Variants in COL4A4 observed in about 807,000 individuals in gnomAD.
COL4A4 encodes collagen type IV alpha 4 chain.
COL4A4 carries 105 observed loss-of-function variants against 192.9 expected under a neutral mutation model. That is an observed-to-expected ratio of 0.54 (90% CI 0.46 to 0.64). COL4A4 has a LOEUF of 0.64. COL4A4 is among the 30% of genes least tolerant of loss of function. COL4A4 has a pLI of 0.00. For synonymous variants in COL4A4, 762 were observed against 769.9 expected (o/e 0.99, Z 0.17); for missense variants, 1,967 against 2,169.3 (o/e 0.91, Z 1.85).
At chr2:227,081,179 G>T (rs915946808) in intron 23 of COL4A4, among the ~76,000 whole-genome samples, 61 of 152,276 alleles carry the variant, frequency 4.0e-4, no homozygotes, top group Non-Finnish European at 5.9e-4. Flanking sequence ...GTTGTTGTTG[G>T]GTGTGTCTGT....
At chr2:227,105,534 C>CA (rs1254422334) in intron 12 of COL4A4, among the ~76,000 whole-genome samples, 1 of 152,010 alleles carries the variant, frequency 6.6e-6, no homozygotes, top group Non-Finnish European at 1.5e-5. Flanking sequence ...TATTTATTTT[C>CA]AATAATATTT....
chr2:226,979,592 A>G, the COL4A4 span, among the ~76,000 whole-genome samples: 1 of 152,198 alleles, frequency 6.6e-6, no homozygotes, highest in African/African-American at 2.4e-5. Flanking sequence ...AGCATCCCGC[A>G]CAGGAGGAGA....
rs1961891961 is a variant in COL4A4 at position 227,005,435 on chromosome 2, A to G, written c.*1890T>C. 6.6e-6 allele frequency: 1 copy of G among 152,212 alleles called. No homozygotes were observed. Among genetic ancestry groups the G allele is most frequent in the Non-Finnish European group, 1.5e-5 (1 of 68,032 alleles). The allele number at this position is 152,212 out of a possible 1,614,324, so 9.4% of individuals were successfully genotyped here. A position where few individuals can be genotyped will look rare whatever the true frequency, so the allele number is the denominator to read the frequency against. ...TTGGGAAGGAGAAAGGTAATCACAA[A>G]TAAGATTGAAATTGGCTTAAGTTTT... On this transcript the variant is annotated 3_prime_UTR_variant, in exon 48 of 48. Transcript: ENST00000396625.
At chr2:227,142,644 C>G (rs2063296914) in intron 3 of COL4A4, among the ~76,000 whole-genome samples, 1 of 151,784 alleles carries the variant, frequency 6.6e-6, no homozygotes, top group South Asian at 2.1e-4. Context: ...GGAATCCCAG[C>G]TACTCAGGAG....
At chr2:227,080,946 G>A (rs981566550) in intron 23 of COL4A4, among the ~76,000 whole-genome samples, 17 of 152,158 alleles carry the variant, frequency 1.1e-4, no homozygotes, top group African/African-American at 3.1e-4. Context: ...GACAAAGCAG[G>A]GCTCTCTTCA....
At chr2:227,089,839 T>C (rs749988280) in intron 21 of COL4A4, 29 bp downstream of exon 21, 2 of 1,566,008 alleles carry the variant, frequency 1.3e-6, no homozygotes, top group African/African-American at 2.7e-5. Flanking sequence ...AGTTGTCTTC[T>C]AGAAATTCTA....
chr2:227,111,632 T>C, intron 9 of COL4A4, 46 bp downstream of exon 9: 1 of 1,598,674 alleles, frequency 6.3e-7, no homozygotes, highest in Non-Finnish European at 8.6e-7. Context: ...GATCATAGGC[T>C]ATTTGAGGAG....
intron 1 of COL4A4, among the ~76,000 whole-genome samples, chr2:227,154,198 C>T (rs993385338): frequency 6.6e-6 from 1 of 152,198 alleles, no homozygotes; most frequent in African/African-American, 2.4e-5. Flanking sequence ...TTTTCTCCCC[C>T]CTTCACTCCT....
At position 227,116,801 on chromosome 2, in the gene COL4A4, C is replaced by A. The variant is rs373914536; in HGVS notation, c.489+1844G>T. The stretch of plus-strand genomic sequence containing the variant: ...AGATGAAAACTTCACATTAAAGGAA[C>A]CCTGAGAGATATTTCACAACACTGG... On this transcript the variant is annotated intron_variant, in intron 7 of 47. Coordinates refer to ENST00000396625, the MANE Select transcript of COL4A4 (RefSeq NM_000092.5). Among the ~76,000 whole-genome samples, 10 of 152,236 alleles carry A rather than the reference C, an allele frequency of 6.6e-5. No individual in the cohort carries two copies. The East Asian group carries it at 1.5e-3, about 23-fold the overall frequency.
At position 227,056,036 on chromosome 2, in the gene COL4A4, T is replaced by C; in HGVS notation, c.2625A>G (p.Pro875=). ...GGGGACCATGTGCCCCAGGCCGTCC[T>C]GGGAGTCCGGGGAGGCCTTTCATTC... ...PAGMKGLPGL[P]GRPGAHGPPG... is the part of the protein sequence containing the mutation. The change falls in exon 30 of 48, where the codon CCA becomes CCG. Residue 875 remains proline, a synonymous_variant. Coordinates refer to ENST00000396625, the MANE Select transcript of COL4A4 (RefSeq NM_000092.5). The C allele has an allele frequency of 1.2e-6, 2 of 1,614,030 alleles. No individual in the cohort carries two copies. The highest frequency in any genetic ancestry group is 1.1e-5 in the South Asian group (1 of 91,072).
At chr2:227,001,719 A>G (rs1233715365), downstream of COL4A4, among the ~76,000 whole-genome samples, 1 of 152,170 alleles carries the variant, frequency 6.6e-6, no homozygotes, top group Non-Finnish European at 1.5e-5. Context: ...TTGTCTGCAA[A>G]ATAGGACAGC....
intron 42 of COL4A4, among the ~76,000 whole-genome samples, chr2:227,026,165 G>T (rs1035198753): frequency 2.6e-5 from 4 of 152,066 alleles, no homozygotes; most frequent in African/African-American, 9.7e-5. Flanking sequence ...ATATTAATTT[G>T]CCAAGTATAG....
At chr2:227,041,846 A>AGAGAGAGAGAGAGAGAG (rs1971273307) in intron 37 of COL4A4, among the ~76,000 whole-genome samples, 1 of 39,302 alleles carries the variant, frequency 2.5e-5, no homozygotes, top group African/African-American at 1.4e-4. Flanking sequence ...GAAAGAAAGA[A>AGAGAGAGAGAGAGAGAG]AGAGAAAGAA....
At chr2:227,088,168 G>A (rs1010733394) in intron 22 of COL4A4, among the ~76,000 whole-genome samples, 1 of 152,238 alleles carries the variant, frequency 6.6e-6, no homozygotes, top group African/African-American at 2.4e-5. Context: ...CATAATGTTT[G>A]TAGGTTCAAA....
At chr2:226,995,553 G>T in the COL4A4 span, 1 of 1,444,196 alleles carries the variant, frequency 6.9e-7, no homozygotes. Flanking sequence ...TGGCCTATTC[G>T]TGTAATTATT....
At position 227,057,564 on chromosome 2, in the gene COL4A4, C is replaced by A; in HGVS notation, c.2420G>T (p.Gly807Val). 6.2e-7 allele frequency: 1 copy of A among 1,614,092 alleles called. No individual in the cohort carries two copies. Among genetic ancestry groups the A allele is most frequent in the Admixed American group, 1.7e-5 (1 of 60,012 alleles). Residue 807 changes from glycine (G) to valine (V), a missense_variant, in exon 29 of 48, where the codon GGT becomes GTT. Transcript: ENST00000396625. ...AGCATGTCCCTCTCTGCCTTTGGGA[C>A]CTTTGAGACCTAGGAATCCAGGAAT... ...AGIPGFLGLK[G>V]PKGREGHAGF...
At chr2:227,055,166 T>C (rs889427598) in intron 30 of COL4A4, among the ~76,000 whole-genome samples, 1 of 152,184 alleles carries the variant, frequency 6.6e-6, no homozygotes, top group Admixed American at 6.5e-5. Flanking sequence ...TGCAAACTCC[T>C]GCCTAACGCT....
chr2:226,970,730 A>G, the COL4A4 span, among the ~76,000 whole-genome samples: 2 of 152,212 alleles, frequency 1.3e-5, no homozygotes, highest in African/African-American at 2.4e-5. Flanking sequence ...GATTCTCAAA[A>G]CTGCCTTGAG....
rs2060628852 is a variant in COL4A4, at chr2:227,103,283, C to T, written c.817-86G>A. 3.7e-6 allele frequency: 4 copies of T among 1,081,496 alleles called. No individual in the cohort carries two copies. In the East Asian group the frequency reaches 7.2e-5, roughly 19 times the overall value. The allele number at this position is 1,081,496 out of a possible 1,614,324, so 67.0% of individuals were successfully genotyped here. On this transcript the variant is annotated intron_variant, in intron 13 of 47. Coordinates refer to ENST00000396625, the MANE Select transcript of COL4A4 (RefSeq NM_000092.5). ...CTCCTTCAGAAATCATCTCTTTTTACAATCTGTTTCACCTTAAAAAAAAAA... is the reference window on the plus strand; with the variant it reads ...CTCCTTCAGAAATCATCTCTTTTTATAATCTGTTTCACCTTAAAAAAAAAA...
Sources: gnomAD v4.1 joint callset for allele counts (sites outside exome capture counted in the v4.1 genomes callset) on GRCh38, gnomAD v4.1.1 for gene constraint, MANE v1.5 for transcripts, NCBI Gene and HGNC (gene_info 2026-07-23, HGNC 2026-07-21) for gene names.